The following TRIP4 variants were observed in gnomAD, a reference collection of about 807,000 sequenced individuals.
TRIP4 encodes the protein activating signal cointegrator 1.
Under a neutral mutation model 81.8 loss-of-function variants are expected in TRIP4, and 54 were observed. The ratio of observed to expected loss-of-function variants is 0.66; its 90% CI spans 0.53 to 0.83. The LOEUF (loss-of-function observed/expected upper bound fraction) is 0.83, where lower values mean the gene tolerates loss of function less well. Ranked by LOEUF, TRIP4 falls within the 40% of genes least tolerant of loss-of-function variation. The pLI, the probability that TRIP4 is intolerant of heterozygous loss-of-function variation, is 0.00. For missense variants in TRIP4, 662 were observed against 683.6 expected (o/e 0.97, Z 0.35); for synonymous variants, 270 against 242.8 (o/e 1.11, Z -1.04).
chr15:64,395,929 G>A (rs1390830565), intron 3 of TRIP4, among the ~76,000 whole-genome samples: 1 of 142,092 alleles, frequency 7.0e-6, no homozygotes, highest in African/African-American at 2.6e-5. Context: ...TTTTTTTTGA[G>A]ACAGAGTCTC....
chr15:64,425,688 T>C (rs1892126187), intron 11 of TRIP4, 57 bp downstream of exon 11: 1 of 1,467,350 alleles, frequency 6.8e-7, no homozygotes, highest in Non-Finnish European at 9.3e-7. Flanking sequence ...TTGGCCAGGC[T>C]GGTCTTGAAA....
chr15:64,414,322 C>A, intron 8 of TRIP4, 111 bp downstream of exon 8: 2 of 1,413,442 alleles, frequency 1.4e-6, no homozygotes, highest in Non-Finnish European at 1.9e-6. Context: ...TCTCAATACA[C>A]CTGTACCAAT....
chr15:64,392,620 C>T (rs898444356), intron 1 of TRIP4, among the ~76,000 whole-genome samples: 7 of 151,698 alleles, frequency 4.6e-5, no homozygotes, highest in Admixed American at 1.3e-4. Context: ...CATGCCCCAC[C>T]GTTTTTGCTT....
rs759851672 is a variant in TRIP4 at position 64,414,165 on chromosome 15, C to A, written c.1124C>A (p.Pro375His). 3.8e-5 allele frequency: 62 copies of A among 1,614,028 alleles called. No homozygotes were observed. The highest frequency in any genetic ancestry group is 5.2e-5 in the Non-Finnish European group (61 of 1,180,028). The change falls in exon 8 of 13, where the codon CCT becomes CAT. Residue 375 changes from proline to histidine, a missense_variant. Physicochemically the swap from Pro to His is moderately conservative, Grantham distance 77. Coordinates refer to ENST00000261884, the MANE Select transcript of TRIP4 (RefSeq NM_016213.5). ...LTKLDRSSEE[P>H]LGVLVNPNMY... ...AAATTGGATAGATCTTCTGAAGAGC[C>A]TTTGGGAGTTCTGGTAAATCCCAAC... is the stretch of plus-strand genomic sequence containing the variant.
intron 11 of TRIP4, among the ~76,000 whole-genome samples, chr15:64,440,721 G>T (rs1596360577): frequency 6.6e-6 from 1 of 152,018 alleles, no homozygotes; most frequent in Non-Finnish European, 1.5e-5. Flanking sequence ...GGCATGATGG[G>T]TCCAAGGAAC....
chr15:64,399,704 A>G (rs1482367750), intron 4 of TRIP4, among the ~76,000 whole-genome samples: 4 of 151,794 alleles, frequency 2.6e-5, no homozygotes, highest in African/African-American at 9.7e-5. Flanking sequence ...GTTTCTCTAT[A>G]TTGACCACGC....
intron 5 of TRIP4, among the ~76,000 whole-genome samples, 172 bp downstream of exon 5, chr15:64,400,993 C>A (rs532987040): frequency 1.3e-5 from 2 of 151,998 alleles, no homozygotes; most frequent in South Asian, 2.1e-4. Context: ...TGGAGTCTCA[C>A]TCTTATCACC....
chr15:64,433,861 A>T (rs1892331832), intron 11 of TRIP4, among the ~76,000 whole-genome samples: 1 of 152,186 alleles, frequency 6.6e-6, no homozygotes, highest in Non-Finnish European at 1.5e-5. Context: ...ACGGCTTTGA[A>T]TGAGACCAAA....
intron 5 of TRIP4, among the ~76,000 whole-genome samples, chr15:64,405,376 G>A (rs923534910): frequency 9.3e-5 from 14 of 151,268 alleles, no homozygotes; most frequent in Non-Finnish European, 1.8e-4. Flanking sequence ...GGATGGTCTC[G>A]ATCTCCTGAC....
rs987779591 is a variant in TRIP4 at position 64,409,749 on chromosome 15, C to A, written c.964C>A (p.Leu322Ile). The A allele has an allele frequency of 6.2e-7, 1 of 1,613,982 alleles. No homozygotes were observed. The highest frequency in any genetic ancestry group is 8.5e-7 in the Non-Finnish European group (1 of 1,180,038). ...ELRELRHASR[L>I]SKKVTIDFAG... ...GAGAGAACTTCGACACGCCTCTCGA[C>A]TTTCTAAGAAGGTCACCATTGACTT... Residue 322 changes from leucine to isoleucine, a missense_variant, in exon 7 of 13, where the codon CTT (leucine) becomes ATT (isoleucine). Physicochemically the swap from Leu to Ile is conservative, Grantham distance 5. Transcript: ENST00000261884.
chr15:64,390,460 C>CAA (rs141752018), intron 1 of TRIP4, among the ~76,000 whole-genome samples: 1 of 122,978 alleles, frequency 8.1e-6, no homozygotes, highest in Non-Finnish European at 1.7e-5. Flanking sequence ...GACCTCGTCT[C>CAA]AAAAAAAAAA....
chr15:64,400,477 T>C (rs1015545542), intron 4 of TRIP4, among the ~76,000 whole-genome samples: 3 of 150,838 alleles, frequency 2.0e-5, no homozygotes, highest in African/African-American at 7.3e-5. Flanking sequence ...CCCAGCCTTT[T>C]TTTTTTTTTT....
Position 64,414,227 on chromosome 15 carries a change from C to T in TRIP4, c.1170+16C>T. On this transcript the variant is annotated intron_variant, in intron 8 of 12. Coordinates refer to ENST00000261884, the MANE Select transcript of TRIP4 (RefSeq NM_016213.5). ...CCCTCCCCAGGTTAGTGGACCTTTGCTCTAACTGTTAATAAGAAGTTTGGC... is the reference window on the plus strand; with the variant it reads ...CCCTCCCCAGGTTAGTGGACCTTTGTTCTAACTGTTAATAAGAAGTTTGGC... The T allele has an allele frequency of 6.2e-7, 1 of 1,612,488 alleles. No homozygotes were observed. The highest frequency in any genetic ancestry group is 8.5e-7 in the Non-Finnish European group (1 of 1,179,444).
chr15:64,419,971 A>C (rs1891974309), intron 9 of TRIP4, among the ~76,000 whole-genome samples: 1 of 151,390 alleles, frequency 6.6e-6, no homozygotes. Context: ...GCCCGCCACC[A>C]CACCTGGTTA....
intron 3 of TRIP4, among the ~76,000 whole-genome samples, chr15:64,396,952 G>A (rs1900312772): frequency 6.6e-6 from 1 of 152,052 alleles, no homozygotes; most frequent in Admixed American, 6.5e-5. Context: ...GGTATTTAGT[G>A]GTATTGCATT....
intron 11 of TRIP4, among the ~76,000 whole-genome samples, chr15:64,442,712 G>C (rs1396229348): frequency 6.6e-6 from 1 of 152,056 alleles, no homozygotes; most frequent in African/African-American, 2.4e-5. Context: ...ACTGAGCCAG[G>C]CACGGTGGCT....
chr15:64,431,333 C>A (rs1892267500), intron 11 of TRIP4, among the ~76,000 whole-genome samples: 1 of 152,064 alleles, frequency 6.6e-6, no homozygotes, highest in South Asian at 2.1e-4. Flanking sequence ...ACTAGCTTAA[C>A]CCTGGACAAT....
chr15:64,393,912 C>G (rs535338415), intron 1 of TRIP4, 34 bp from the exon 2 acceptor site: 26 of 1,533,714 alleles, frequency 1.7e-5, no homozygotes, highest in Admixed American at 1.1e-4. Context: ...GTAAGTTAGT[C>G]TTGTTTCAAC....
rs924824590 is a variant in TRIP4 at position 64,437,841 on chromosome 15, G to A, written c.1576-7165G>A. On this transcript the variant is annotated intron_variant, in intron 11 of 12. Transcript: ENST00000261884. ...CTGGCAGCTGTAGGAAGGATGTACT[G>A]GATGGGGCAAGCCTGAAAACAGAGA... 5.9e-5 allele frequency among the ~76,000 whole-genome samples: 9 copies of A among 152,272 alleles called. No homozygotes were observed. The East Asian group carries it at 1.7e-3, about 29-fold the overall frequency.
Sources: gnomAD v4.1 joint callset for allele counts (sites outside exome capture counted in the v4.1 genomes callset) on GRCh38, gnomAD v4.1.1 for gene constraint, MANE v1.5 for transcripts, NCBI Gene and HGNC (gene_info 2026-07-23, HGNC 2026-07-21) for gene names.